The following RHBDD1 variants were observed in gnomAD, a reference collection of about 807,000 sequenced individuals.
RHBDD1 encodes rhomboid domain containing 1, also known as rhomboid-related protein 4.
In RHBDD1, 38 loss-of-function variants were observed where a neutral mutation model predicts 36.3. The observed-to-expected ratio is 1.05, with a 90% confidence interval of 0.81 to 1.37. RHBDD1 has a LOEUF of 1.37. Among genes scored for constraint, RHBDD1 ranks in the 40% most tolerant of loss-of-function variants. RHBDD1 has a pLI of 0.00. For missense variants in RHBDD1, 393 were observed against 377.6 expected (o/e 1.04, Z -0.34); for synonymous variants, 151 against 136.5 (o/e 1.11, Z -0.74).
At chr2:226,812,787 TAA>T in the RHBDD1 span, among the ~76,000 whole-genome samples, 6 of 152,236 alleles carry the variant, frequency 3.9e-5, no homozygotes, top group African/African-American at 1.4e-4. Flanking sequence ...TTTGTTTTGT[TAA>T]AGACATCCAT....
chr2:226,868,231 C>T (rs1210743062), intron 5 of RHBDD1, among the ~76,000 whole-genome samples: 2 of 152,156 alleles, frequency 1.3e-5, no homozygotes, highest in East Asian at 3.9e-4. Flanking sequence ...CCAGGAAGTA[C>T]AGTTTCAGAA....
chr2:226,817,625 G>A, the RHBDD1 span, among the ~76,000 whole-genome samples: 2 of 152,302 alleles, frequency 1.3e-5, no homozygotes, highest in Non-Finnish European at 2.9e-5. Flanking sequence ...GGATCCAAAG[G>A]ATCCCAAATT....
At chr2:226,979,598 GGA>G (rs1955268133) in intron 8 of RHBDD1, among the ~76,000 whole-genome samples, 1 of 152,190 alleles carries the variant, frequency 6.6e-6, no homozygotes, top group Non-Finnish European at 1.5e-5. Context: ...CCGCACAGGA[GGA>G]GAGAGGAAGA....
chr2:226,923,030 T>C (rs1949434274), intron 8 of RHBDD1, among the ~76,000 whole-genome samples: 1 of 152,232 alleles, frequency 6.6e-6, no homozygotes, highest in African/African-American at 2.4e-5. Flanking sequence ...TCTTATAGTC[T>C]TTCTACTCAA....
chr2:226,847,253 A>T (rs1472385212), intron 3 of RHBDD1, among the ~76,000 whole-genome samples: 1 of 152,258 alleles, frequency 6.6e-6, no homozygotes, highest in African/African-American at 2.4e-5. Flanking sequence ...AATGGAGCAT[A>T]CTAGTTACTT....
intron 5 of RHBDD1, among the ~76,000 whole-genome samples, chr2:226,886,000 A>G (rs1946172617): frequency 6.6e-6 from 1 of 152,238 alleles, no homozygotes; most frequent in African/African-American, 2.4e-5. Flanking sequence ...GTGAGATTTC[A>G]TCACAGTACT....
intron 8 of RHBDD1, among the ~76,000 whole-genome samples, chr2:226,946,927 A>G (rs1951028086): frequency 6.6e-6 from 1 of 152,222 alleles, no homozygotes; most frequent in Admixed American, 6.5e-5. Context: ...TACACGAATC[A>G]GTAAACATAA....
chr2:226,994,373 T>C (rs565539799), intron 8 of RHBDD1, among the ~76,000 whole-genome samples: 1 of 152,122 alleles, frequency 6.6e-6, no homozygotes, highest in Non-Finnish European at 1.5e-5. Context: ...GTGGTGATGA[T>C]TGAATGAAGA....
intron 8 of RHBDD1, chr2:226,988,447 A>C (rs1402934950): frequency 1.3e-6 from 2 of 1,549,840 alleles, no homozygotes; most frequent in Non-Finnish European, 1.7e-6. Context: ...TTTGGACCTA[A>C]GGAATCCTTT....
At chr2:226,933,588 T>C (rs926510945) in intron 8 of RHBDD1, among the ~76,000 whole-genome samples, 7 of 152,122 alleles carry the variant, frequency 4.6e-5, no homozygotes, top group African/African-American at 1.7e-4. Flanking sequence ...AGTGCTCATG[T>C]GTCATTTTAG....
chr2:226,845,431 G>A (rs1291653867), intron 3 of RHBDD1, among the ~76,000 whole-genome samples: 1 of 152,156 alleles, frequency 6.6e-6, no homozygotes, highest in Non-Finnish European at 1.5e-5. Context: ...CTAAGAGCAC[G>A]TGGCTGGTGT....
chr2:226,984,539 T>A (rs6707265), intron 8 of RHBDD1, among the ~76,000 whole-genome samples: 75,320 of 152,046 alleles, frequency 0.5, 19,559 homozygotes, highest in African/African-American at 0.66. Context: ...ATTGAGGGTT[T>A]GGACTTCAAC....
chr2:226,988,657 G>C, intron 8 of RHBDD1: 1 of 985,164 alleles, frequency 1.0e-6, no homozygotes, highest in Non-Finnish European at 1.2e-6. Context: ...AGGAAGGTAG[G>C]ATTTTAATAT....
At position 226,996,603 on chromosome 2, in the gene RHBDD1, C is replaced by G. The variant is rs1959368696; in HGVS notation, c.*1081C>G. The G allele has an allele frequency of 6.6e-6, 1 of 152,124 alleles. No homozygotes were observed. The allele number at this position is 152,124 out of a possible 1,614,324, so 9.4% of individuals were successfully genotyped here. A position where few individuals can be genotyped will look rare whatever the true frequency, so the allele number is the denominator to read the frequency against. On this transcript the variant is annotated 3_prime_UTR_variant, in exon 9 of 9. Coordinates refer to ENST00000392062, the MANE Select transcript of RHBDD1 (RefSeq NM_001167608.3). ...CAGGAAAAGATCTTCCTTTTTTGATCTACAACTTATATAGTTTTCTGATTA... is the reference window on the plus strand; with the variant it reads ...CAGGAAAAGATCTTCCTTTTTTGATGTACAACTTATATAGTTTTCTGATTA...
chr2:226,945,673 A>G (rs1354738952), intron 8 of RHBDD1, among the ~76,000 whole-genome samples: 2 of 152,142 alleles, frequency 1.3e-5, no homozygotes, highest in African/African-American at 4.8e-5. Context: ...GTATATACCC[A>G]GTACTGGGAT....
At chr2:226,894,375 T>C (rs1457386630) in intron 5 of RHBDD1, among the ~76,000 whole-genome samples, 1 of 152,202 alleles carries the variant, frequency 6.6e-6, no homozygotes, top group African/African-American at 2.4e-5. Context: ...GCTCAAGTGA[T>C]TCTCCTGCCT....
rs542012641 is a variant in RHBDD1 at position 226,841,176 on chromosome 2, AG to A, written c.-91+1550del. Among the ~76,000 whole-genome samples the A allele has an allele frequency of 9.9e-5, 15 of 152,118 alleles. No individual in the cohort carries two copies. In the East Asian group the frequency reaches 2.5e-3, roughly 26 times the overall value. ...GAGACAGAGTCTCACTCTGTTACCT[AG>A]ATTGGAGTGCAGTGGTGTGATCTTG... On this transcript the variant is annotated intron_variant, in intron 3 of 8. Coordinates refer to ENST00000392062, the MANE Select transcript of RHBDD1 (RefSeq NM_001167608.3).
At chr2:226,927,891 A>G (rs1159203241) in intron 8 of RHBDD1, among the ~76,000 whole-genome samples, 1 of 152,086 alleles carries the variant, frequency 6.6e-6, no homozygotes, top group Admixed American at 6.6e-5. Context: ...ATTTTCCCTG[A>G]GTCTGTGGCT....
chr2:226,874,995 A>C (rs1446960353), intron 5 of RHBDD1, among the ~76,000 whole-genome samples: 1 of 152,144 alleles, frequency 6.6e-6, no homozygotes, highest in Non-Finnish European at 1.5e-5. Flanking sequence ...TGATTCCTCC[A>C]GGCAGTGTTA....
Sources: gnomAD v4.1 joint callset for allele counts (sites outside exome capture counted in the v4.1 genomes callset) on GRCh38, gnomAD v4.1.1 for gene constraint, MANE v1.5 for transcripts, NCBI Gene and HGNC (gene_info 2026-07-23, HGNC 2026-07-21) for gene names.